The following PTPRG variants were observed in gnomAD, a reference collection of about 807,000 sequenced individuals.
PTPRG encodes protein tyrosine phosphatase receptor type G.
Under a neutral mutation model 165.3 loss-of-function variants are expected in PTPRG, and 102 were observed. That is an observed-to-expected ratio of 0.62 (90% CI 0.53 to 0.73). PTPRG has a LOEUF of 0.73. Ranked by LOEUF, PTPRG falls within the 30% of genes least tolerant of loss-of-function variation. The pLI, the probability that PTPRG is intolerant of heterozygous loss-of-function variation, is 0.00. For missense variants in PTPRG, 1,866 were observed against 1,861.4 expected, an observed-to-expected ratio of 1.00 and a Z score of -0.05; for synonymous variants, 675 against 669.5, an observed-to-expected ratio of 1.01 and a Z score of -0.13.
Position 62,229,864 on chromosome 3 carries a change from C to T in PTPRG, c.2289-1361C>T, listed in dbSNP as rs1700853530. Among the ~76,000 whole-genome samples the T allele has an allele frequency of 6.6e-6, 1 of 152,210 alleles. No individual in the cohort carries two copies. Among genetic ancestry groups the T allele is most frequent in the Non-Finnish European group, 1.5e-5 (1 of 68,044 alleles). ...GGAAAAACTGCGGAGATAGCCGGCT[C>T]TGCTCCAAAATTCCTGAAAGAGTGA... On this transcript the variant is annotated intron_variant, in intron 13 of 29. Coordinates refer to ENST00000474889, the MANE Select transcript of PTPRG (RefSeq NM_002841.4). This position sits in a 1 kb window ranked among gnomAD's most constrained non-coding sequence, Gnocchi z 4.6.
chr3:61,819,302 C>T (rs114329645), intron 2 of PTPRG, among the ~76,000 whole-genome samples: 3,362 of 152,260 alleles, frequency 0.022, 135 homozygotes, highest in African/African-American at 0.074. Flanking sequence ...GGAGAACAAG[C>T]TTCAGATAAC....
intron 1 of PTPRG, among the ~76,000 whole-genome samples, chr3:61,727,687 G>C (rs752864130): frequency 2.3e-3 from 347 of 152,218 alleles, no homozygotes; most frequent in Non-Finnish European, 4.0e-3. Flanking sequence ...CTTTAAACTG[G>C]ATATAAATCT....
At chr3:61,621,043 ATATATATATGTG>A (rs1559527426) in intron 1 of PTPRG, among the ~76,000 whole-genome samples, 1 of 87,802 alleles carries the variant, frequency 1.1e-5, no homozygotes, top group Non-Finnish European at 2.5e-5. Flanking sequence ...GTATATATAT[ATATATATATGTG>A]TGTGTGTGTG....
chr3:61,564,806 G>C (rs1699866388), intron 1 of PTPRG, among the ~76,000 whole-genome samples: 1 of 152,244 alleles, frequency 6.6e-6, no homozygotes, highest in African/African-American at 2.4e-5. Flanking sequence ...GATGGGGCGC[G>C]CGTGCCCGGG....
intron 2 of PTPRG, among the ~76,000 whole-genome samples, chr3:61,813,329 AAAAAAAAAAAAAAAAAAT>A (rs2107219672): frequency 7.9e-6 from 1 of 127,192 alleles, no homozygotes; most frequent in African/African-American, 3.0e-5. Context: ...ATGATTACTA[AAAAAAAAAAAAAAAAAAT>A]AGAAAAAAAA....
intron 5 of PTPRG, among the ~76,000 whole-genome samples, chr3:62,114,577 A>G (rs921668306): frequency 2.6e-5 from 4 of 152,216 alleles, no homozygotes; most frequent in Non-Finnish European, 5.9e-5. Flanking sequence ...TGAGTTATGT[A>G]ACAGAGTCAG....
At position 62,260,169 on chromosome 3, in the gene PTPRG, C is replaced by T. The variant is rs146995141; in HGVS notation, c.2560-2629C>T. 4.7e-4 allele frequency among the ~76,000 whole-genome samples: 71 copies of T among 152,340 alleles called. No individual in the cohort carries two copies. In the East Asian group the frequency reaches 0.013, roughly 29 times the overall value. ...CTAAACCCATCAGTCATCTGTAGAA[C>T]AGTCTCTTTACCACAATTGTAGGCT... On this transcript the variant is annotated intron_variant, in intron 16 of 29. Coordinates refer to ENST00000474889, the MANE Select transcript of PTPRG (RefSeq NM_002841.4).
intron 2 of PTPRG, among the ~76,000 whole-genome samples, chr3:61,865,249 C>T (rs1388412140): frequency 1.3e-5 from 2 of 152,080 alleles, no homozygotes; most frequent in Non-Finnish European, 2.9e-5. Context: ...CTCTAGCCAC[C>T]CATGCCAAAC....
Position 62,229,552 on chromosome 3 carries a change from G to C in PTPRG, c.2289-1673G>C, listed in dbSNP as rs1700845841. On this transcript the variant is annotated intron_variant, in intron 13 of 29. Transcript: ENST00000474889. The surrounding 1 kb of genome is among the most constrained non-coding windows in gnomAD (Gnocchi z 4.6). ...TTAAAAAGCTGGACTGATTCTGTTA[G>C]GGAAGCGGTGGGTGGGTAAATTTTT... Among the ~76,000 whole-genome samples, 1 of 152,234 alleles carries C rather than the reference G, an allele frequency of 6.6e-6. No individual in the cohort carries two copies. The highest frequency in any genetic ancestry group is 2.4e-5 in the African/African-American group (1 of 41,458).
chr3:61,762,249 C>T lies in PTPRG; in HGVS notation c.190+13267C>T, dbSNP rs529437839. Among the ~76,000 whole-genome samples the T allele has an allele frequency of 2.6e-5, 4 of 152,166 alleles. No individual in the cohort carries two copies. The East Asian group carries it at 7.7e-4, about 29-fold the overall frequency. On this transcript the variant is annotated intron_variant, in intron 2 of 29. Transcript: ENST00000474889. ...CCTAATGAGTTATCTTTTCTCTCAC[C>T]ATCTACTAGGGTGTGAAAAGGGAGT...
At chr3:61,960,641 C>T (rs1253908890) in intron 2 of PTPRG, among the ~76,000 whole-genome samples, 1 of 152,056 alleles carries the variant, frequency 6.6e-6, no homozygotes, top group Non-Finnish European at 1.5e-5. Context: ...ATCTAATCAT[C>T]CAGATATGAC....
intron 2 of PTPRG, among the ~76,000 whole-genome samples, chr3:61,863,191 GC>G (rs1487574944): frequency 1.3e-5 from 2 of 152,198 alleles, no homozygotes; most frequent in Non-Finnish European, 2.9e-5. Context: ...CCCAGACGGG[GC>G]TTCCCCCTCT....
At chr3:61,845,021 A>G (rs191984838) in intron 2 of PTPRG, among the ~76,000 whole-genome samples, 96 of 152,346 alleles carry the variant, frequency 6.3e-4, no homozygotes, top group African/African-American at 2.1e-3. Flanking sequence ...CATACGTGCT[A>G]AATATTCAGT....
chr3:62,049,615 G>A (rs966099528), intron 4 of PTPRG, among the ~76,000 whole-genome samples: 2 of 152,164 alleles, frequency 1.3e-5, no homozygotes, highest in African/African-American at 2.4e-5. Context: ...AAGATGCTGG[G>A]TGGTAATTTG....
intron 1 of PTPRG, among the ~76,000 whole-genome samples, chr3:61,691,076 A>G (rs2030175840): frequency 6.6e-6 from 1 of 151,726 alleles, no homozygotes; most frequent in Admixed American, 6.6e-5. Flanking sequence ...GTCTATGTAT[A>G]TATGACATGG....
chr3:61,781,768 T>G (rs1014076778), intron 2 of PTPRG, among the ~76,000 whole-genome samples: 4 of 152,080 alleles, frequency 2.6e-5, no homozygotes, highest in African/African-American at 9.7e-5. Context: ...TACTCTCTTA[T>G]GTAGGCTGGA....
intron 2 of PTPRG, among the ~76,000 whole-genome samples, chr3:61,904,731 C>G (rs2038597375): frequency 6.6e-6 from 1 of 152,114 alleles, no homozygotes; most frequent in African/African-American, 2.4e-5. Flanking sequence ...TAAATCCAGT[C>G]TGTAGAAGCC....
intron 25 of PTPRG, among the ~76,000 whole-genome samples, chr3:62,277,348 A>C (rs1048282599): frequency 1.3e-5 from 2 of 152,202 alleles, no homozygotes; most frequent in Admixed American, 6.6e-5. Context: ...GTTAACTAGA[A>C]GTGAACTGCA....
intron 2 of PTPRG, among the ~76,000 whole-genome samples, chr3:61,792,073 C>T (rs923677637): frequency 6.6e-6 from 1 of 152,092 alleles, no homozygotes; most frequent in Non-Finnish European, 1.5e-5. Context: ...TTGCTGTGAC[C>T]TCAGAGTGTA....
Sources: gnomAD v4.1 joint callset for allele counts (sites outside exome capture counted in the v4.1 genomes callset) on GRCh38, gnomAD v4.1.1 for gene constraint, Gnocchi (gnomAD v3.1) non-coding constraint, MANE v1.5 for transcripts, NCBI Gene and HGNC (gene_info 2026-07-23, HGNC 2026-07-21) for gene names.